DUSP16: variants seen among roughly 807,000 people sequenced by gnomAD.
DUSP16 encodes dual specificity phosphatase 16.
DUSP16 carries 21 observed loss-of-function variants against 58.3 expected under a neutral mutation model. That is an observed-to-expected ratio of 0.36 (90% CI 0.26 to 0.52). The LOEUF is 0.52. Ranked by LOEUF, DUSP16 falls within the 20% of genes least tolerant of loss-of-function variation. The pLI, the probability that DUSP16 is intolerant of heterozygous loss-of-function variation, is 0.94. For synonymous variants in DUSP16, 320 were observed against 323.8 expected, an observed-to-expected ratio of 0.99 and a Z score of 0.12; for missense variants, 726 against 819.0, an observed-to-expected ratio of 0.89 and a Z score of 1.39.
In DUSP16 at chr12:12,521,381, A is replaced by C; in HGVS notation, c.-283T>G. 7.7e-7 allele frequency: 1 copy of C among 1,299,546 alleles called. No individual in the cohort carries two copies. Among genetic ancestry groups the C allele is most frequent in the Non-Finnish European group, 9.8e-7 (1 of 1,017,766 alleles). The allele number at this position is 1,299,546 out of a possible 1,614,324, so 80.5% of individuals were successfully genotyped here. Reference sequence around the variant, plus strand: ...GACTGGAATAACCATTCCACAACAAAAGATGCTTTGGAGCAGCCAGCGCAT... The same window carrying C: ...GACTGGAATAACCATTCCACAACAACAGATGCTTTGGAGCAGCCAGCGCAT... On this transcript the variant is annotated 5_prime_UTR_variant, in exon 2 of 7. Transcript: ENST00000298573.
Position 12,521,495 on chromosome 12 carries a change from C to T in DUSP16, c.-365-32G>A, listed in dbSNP as rs1271449026. ...GGAGAGAGAAAGACAGAAAACAAAACGTGAGGTCAAAAAAAGAAGAAAGAG... is the reference window on the plus strand; with the variant it reads ...GGAGAGAGAAAGACAGAAAACAAAATGTGAGGTCAAAAAAAGAAGAAAGAG... On this transcript the variant is annotated intron_variant, in intron 1 of 6. Transcript: ENST00000298573. 2.5e-5 allele frequency: 25 copies of T among 985,486 alleles called. No homozygotes were observed. The East Asian group carries it at 7.1e-4, about 28-fold the overall frequency. The allele number at this position is 985,486 out of a possible 1,614,324, so 61.0% of individuals were successfully genotyped here. A position where few individuals can be genotyped will look rare whatever the true frequency, so the allele number is the denominator to read the frequency against.
intron 1 of DUSP16, among the ~76,000 whole-genome samples, chr12:12,525,748 A>T (rs940179808): frequency 6.6e-6 from 1 of 151,742 alleles, no homozygotes; most frequent in Admixed American, 6.6e-5. Context: ...ACACACACAC[A>T]CACACACACA....
At chr12:12,559,097 C>T (rs1944855475) in intron 1 of DUSP16, among the ~76,000 whole-genome samples, 1 of 151,942 alleles carries the variant, frequency 6.6e-6, no homozygotes, top group South Asian at 2.1e-4. Flanking sequence ...CCTTGATCAT[C>T]AAGGATAATG....
intron 1 of DUSP16, among the ~76,000 whole-genome samples, chr12:12,559,131 T>G (rs1944856152): frequency 6.6e-6 from 1 of 152,098 alleles, no homozygotes; most frequent in South Asian, 2.1e-4. Flanking sequence ...TAACAGATTG[T>G]CTACAACACA....
Position 12,477,988 on chromosome 12 carries a change from T to TA in DUSP16, c.842dup (p.Ser282IlefsTer14). 6.3e-7 allele frequency: 1 copy of TA among 1,597,202 alleles called. No individual in the cohort carries two copies. The highest frequency in any genetic ancestry group is 8.5e-7 in the Non-Finnish European group (1 of 1,171,408). ...GGCCCAGAAAATTGAAGTTTGGAGA[T>TA]ATAGTAGGTCTTTTTTCTTTCACAA... On this transcript the variant is annotated frameshift_variant, in exon 7 of 7. Coordinates refer to ENST00000298573, the MANE Select transcript of DUSP16 (RefSeq NM_030640.3). LOFTEE classifies it high-confidence loss of function. This position sits in a 1 kb window ranked among gnomAD's most constrained non-coding sequence, Gnocchi z 4.1.
intron 1 of DUSP16, among the ~76,000 whole-genome samples, chr12:12,554,951 C>T (rs1345893780): frequency 1.3e-5 from 2 of 152,190 alleles, no homozygotes; most frequent in African/African-American, 4.8e-5. Context: ...ATACCATGTA[C>T]AGTTTACAAA....
intron 5 of DUSP16, 36 bp from the exon 6 acceptor site, chr12:12,480,382 C>T (rs754066742): frequency 2.3e-5 from 36 of 1,597,924 alleles, no homozygotes; most frequent in Non-Finnish European, 3.0e-5. Context: ...TCACTACTAA[C>T]TATTTTGTTC....
At chr12:12,528,121 C>T (rs1177497388) in intron 1 of DUSP16, among the ~76,000 whole-genome samples, 1 of 152,146 alleles carries the variant, frequency 6.6e-6, no homozygotes, top group Non-Finnish European at 1.5e-5. Flanking sequence ...TCACCTGTTT[C>T]ACCCGCTTCC....
intron 3 of DUSP16, chr12:12,506,007 C>G (rs1230601023): frequency 6.6e-6 from 1 of 152,202 alleles, no homozygotes; most frequent in Non-Finnish European, 1.5e-5. Flanking sequence ...AGCCAGAGCA[C>G]ATTTTCACTG....
chr12:12,494,625 G>A (rs1943804549), intron 4 of DUSP16, among the ~76,000 whole-genome samples: 1 of 152,164 alleles, frequency 6.6e-6, no homozygotes, highest in African/African-American at 2.4e-5. Flanking sequence ...GGCGGTAGAG[G>A]CATTCCAGAT....
chr12:12,552,447 A>AAAAT (rs1053752176), intron 1 of DUSP16, among the ~76,000 whole-genome samples: 7 of 152,256 alleles, frequency 4.6e-5, no homozygotes, highest in African/African-American at 1.7e-4. Context: ...CTATCTCAAA[A>AAAAT]AAATAAATAA....
At chr12:12,543,358 A>C (rs1944593802) in intron 1 of DUSP16, among the ~76,000 whole-genome samples, 1 of 152,342 alleles carries the variant, frequency 6.6e-6, no homozygotes, top group Middle Eastern at 3.4e-3. Context: ...TCATATATAA[A>C]TATGAAGAGA....
At chr12:12,524,383 T>C (rs1944274220) in intron 1 of DUSP16, among the ~76,000 whole-genome samples, 5 of 152,166 alleles carry the variant, frequency 3.3e-5, no homozygotes, top group Admixed American at 3.3e-4. Flanking sequence ...TCTAATTCTC[T>C]GTAGTGCTAA....
rs189613491 is a variant in DUSP16 at position 12,483,939 on chromosome 12, C to T, written c.691+3089G>A. Among the ~76,000 whole-genome samples, 888 of 148,418 alleles carry T rather than the reference C, an allele frequency of 6.0e-3. 12 individuals carry two copies. The highest frequency in any genetic ancestry group is 0.021 in the African/African-American group (869 of 40,842). On this transcript the variant is annotated intron_variant, in intron 5 of 6. Transcript: ENST00000298573. Reference sequence around the variant, plus strand: ...GCTATCACTAACCATGGCTTAAAACCCCACAGATCCCTAAAACTTAAAGTA... The same window carrying T: ...GCTATCACTAACCATGGCTTAAAACTCCACAGATCCCTAAAACTTAAAGTA...
At chr12:12,534,219 G>A (rs182898814) in intron 1 of DUSP16, among the ~76,000 whole-genome samples, 33 of 152,308 alleles carry the variant, frequency 2.2e-4, no homozygotes, top group African/African-American at 1.9e-4. Context: ...CAACAGCATC[G>A]CTGTTCATTC....
chr12:12,502,689 C>G (rs982320412), intron 3 of DUSP16, among the ~76,000 whole-genome samples: 2 of 151,586 alleles, frequency 1.3e-5, no homozygotes, highest in African/African-American at 2.4e-5. Context: ...GTAGCTGGGA[C>G]TACAGGTATG....
chr12:12,550,984 T>C (rs563516757), intron 1 of DUSP16, among the ~76,000 whole-genome samples: 2 of 152,320 alleles, frequency 1.3e-5, no homozygotes, highest in East Asian at 3.9e-4. Flanking sequence ...ACTTGGCCTT[T>C]TTCATATTCT....
At chr12:12,510,685 G>A (rs1037346726) in intron 3 of DUSP16, among the ~76,000 whole-genome samples, 1 of 152,226 alleles carries the variant, frequency 6.6e-6, no homozygotes, top group Admixed American at 6.5e-5. Context: ...AGTTTTATGG[G>A]ATAAACTTTA....
intron 5 of DUSP16, among the ~76,000 whole-genome samples, chr12:12,486,261 T>C (rs756780263): frequency 6.6e-6 from 1 of 152,104 alleles, no homozygotes; most frequent in Non-Finnish European, 1.5e-5. Context: ...GAGCTAGCAG[T>C]GTTTCTCCTC....
Sources: allele counts gnomAD v4.1 joint callset (sites outside exome capture counted in the v4.1 genomes callset), GRCh38; gene constraint gnomAD v4.1.1; non-coding constraint Gnocchi (gnomAD v3.1); transcripts MANE v1.5; gene names NCBI Gene and HGNC (gene_info 2026-07-23, HGNC 2026-07-21).